Variants in ZNF398 observed in about 807,000 individuals in gnomAD.
ZNF398 encodes zinc finger DNA binding protein ZER6.
ZNF398 carries 18 observed loss-of-function variants against 41.9 expected under a neutral mutation model. The observed-to-expected ratio is 0.43, with a 90% confidence interval of 0.30 to 0.64. The LOEUF (loss-of-function observed/expected upper bound fraction) is 0.64. Among genes scored for constraint, ZNF398 ranks in the 30% least tolerant of loss-of-function variants. The probability of loss-of-function intolerance (pLI) is 0.14; values close to 1 mark genes in which losing one functional copy is unlikely to be tolerated. For synonymous variants in ZNF398, 260 were observed against 308.8 expected (o/e 0.84, Z 1.66); for missense variants, 669 against 822.8 (o/e 0.81, Z 2.29).
rs10253818 is a variant in ZNF398 at position 149,151,212 on chromosome 7, C to T, written c.25-2733C>T. 2.0e-3 allele frequency: 2,445 copies of T among 1,203,858 alleles called. 46 individuals carry two copies. The African/African-American group carries it at 0.034, about 17-fold the overall frequency. The allele number at this position is 1,203,858 out of a possible 1,614,324, so 74.6% of individuals were successfully genotyped here. A position where few individuals can be genotyped will look rare whatever the true frequency, so the allele number is the denominator to read the frequency against. On this transcript the variant is annotated intron_variant, in intron 1 of 5. Transcript: ENST00000475153. ...TACCTGGTGATTTCCTCTAGGCACG[C>T]TTACTAATCTGCTTACAGGAATGGA... is the stretch of plus-strand genomic sequence containing the variant.
chr7:149,166,455 C>T (rs776148213), intron 3 of ZNF398, among the ~76,000 whole-genome samples, 171 bp downstream of exon 3: 50 of 152,218 alleles, frequency 3.3e-4, no homozygotes, highest in Admixed American at 3.1e-3. Context: ...ATCATAATCT[C>T]TCTTTTTACC....
chr7:149,151,849 G>C (rs1202438), intron 1 of ZNF398, among the ~76,000 whole-genome samples: 129,595 of 150,316 alleles, frequency 0.86, 56,002 homozygotes, highest in Middle Eastern at 0.96. Context: ...TACAGTAGCA[G>C]AATCTTGGCT....
rs1032828246 is a variant in ZNF398 at position 149,180,719 on chromosome 7, G to A, written c.*918G>A. 2 of 152,162 alleles carry A rather than the reference G, an allele frequency of 1.3e-5. No individual in the cohort carries two copies. Among genetic ancestry groups the A allele is most frequent in the Non-Finnish European group, 2.9e-5 (2 of 68,030 alleles). 9.4% of individuals were successfully genotyped at this position (152,162 alleles called of 1,614,324 possible). ...TTATCTTTTCCAAGCCAGTAAGTTG[G>A]CTTCTCCATTCCTGGTGTCTGATAT... On this transcript the variant is annotated 3_prime_UTR_variant, in exon 6 of 6. Transcript: ENST00000475153.
chr7:149,129,410 T>C (rs13221868), intron 2 of ZNF398, among the ~76,000 whole-genome samples: 11,520 of 152,184 alleles, frequency 0.076, 440 homozygotes, highest in Middle Eastern at 0.092. Flanking sequence ...GACGGAGTCT[T>C]GCTCTGTTGC....
At position 149,154,054 on chromosome 7, in the gene ZNF398, C is replaced by T. The variant is rs574967023; in HGVS notation, c.134C>T (p.Thr45Ile). The T allele has an allele frequency of 6.2e-7, 1 of 1,614,164 alleles. No individual in the cohort carries two copies. Among genetic ancestry groups the T allele is most frequent in the Non-Finnish European group, 8.5e-7 (1 of 1,180,028 alleles). The change falls in exon 2 of 6, where the codon ACA (threonine) becomes ATA (isoleucine). Residue 45 changes from threonine (T) to isoleucine (I), a missense_variant. Physicochemically the swap from Thr to Ile is moderately conservative, Grantham distance 89. Coordinates refer to ENST00000475153, the MANE Select transcript of ZNF398 (RefSeq NM_170686.3). ...HLQTAAISLW[T>I]VVAAVQAIER... is the part of the protein sequence containing the mutation. ...CAGACAGCAGCTATCTCTCTGTGGA[C>T]AGTGGTGGCCGCCGTGCAGGCTATA...
intron 5 of ZNF398, 87 bp downstream of exon 5, chr7:149,176,668 G>A (rs752170283): frequency 3.3e-5 from 26 of 783,654 alleles, no homozygotes; most frequent in Non-Finnish European, 4.1e-5. Context: ...ATTTGTAGAG[G>A]CAAATATGTG....
Position 149,180,077 on chromosome 7 carries a change from C to T in ZNF398, c.*276C>T, listed in dbSNP as rs1262525009. Reference sequence around the variant, plus strand: ...AAAAGCAGAAGTTACAAGAATATTGCGGAGAGGTTGGAAAGCAGGATTTAA... The same window carrying T: ...AAAAGCAGAAGTTACAAGAATATTGTGGAGAGGTTGGAAAGCAGGATTTAA... On this transcript the variant is annotated 3_prime_UTR_variant, in exon 6 of 6. Transcript: ENST00000475153. The T allele has an allele frequency of 1.2e-5, 4 of 323,364 alleles. No individual in the cohort carries two copies. The highest frequency in any genetic ancestry group is 1.7e-5 in the Non-Finnish European group (3 of 175,520). 20.0% of individuals were successfully genotyped at this position (323,364 alleles called of 1,614,324 possible).
At chr7:149,170,725 A>T (rs1407641774) in intron 4 of ZNF398, among the ~76,000 whole-genome samples, 1 of 150,438 alleles carries the variant, frequency 6.6e-6, no homozygotes, top group Non-Finnish European at 1.5e-5. Flanking sequence ...ACAGAGCGAG[A>T]CTCCATCTCA....
In ZNF398 at chr7:149,149,067, G is replaced by A. The variant is rs1027630183; in HGVS notation, c.24+1301G>A. 4.0e-5 allele frequency among the ~76,000 whole-genome samples: 6 copies of A among 151,674 alleles called. No homozygotes were observed. The East Asian group carries it at 1.2e-3, about 29-fold the overall frequency. ...GCCTGTAGTCCCAGCTAGGCCGGGG[G>A]CTGAGGCGGAAGAATCACTTGAGTC... is the stretch of plus-strand genomic sequence containing the variant. On this transcript the variant is annotated intron_variant, in intron 1 of 5. Coordinates refer to ENST00000475153, the MANE Select transcript of ZNF398 (RefSeq NM_170686.3).
intron 1 of ZNF398, among the ~76,000 whole-genome samples, chr7:149,153,311 A>C (rs1016438423): frequency 6.6e-6 from 1 of 152,154 alleles, no homozygotes; most frequent in Non-Finnish European, 1.5e-5. Flanking sequence ...CCCGTCTCTA[A>C]AAAGAAAAAA....
At chr7:149,128,780 T>TAAAATAAAATAAAATAATATATA (rs71192757) in intron 1 of ZNF398, 1 of 143,420 alleles carries the variant, frequency 7.0e-6, no homozygotes, top group Non-Finnish European at 1.5e-5. Context: ...TAAAATAAAA[T>TAAAATAAAATAAAATAATATATA]TATATATATA....
intron 1 of ZNF398, among the ~76,000 whole-genome samples, chr7:149,126,863 C>T (rs1343657132): frequency 6.6e-6 from 1 of 152,174 alleles, no homozygotes; most frequent in African/African-American, 2.4e-5. Flanking sequence ...AGGGGTCCGC[C>T]CACCACGTCC....
chr7:149,157,530 C>CA lies in ZNF398; in HGVS notation c.420+3203dup, dbSNP rs775907640. On this transcript the variant is annotated intron_variant, in intron 2 of 5. Coordinates refer to ENST00000475153, the MANE Select transcript of ZNF398 (RefSeq NM_170686.3). ...AGCCTGGGCGACAGAGACTCCGTCT[C>CA]AAAAAAAAAAAAAGAAAATCCAGGA... Among the ~76,000 whole-genome samples the CA allele has an allele frequency of 7.3e-3, 570 of 77,846 alleles. 3 individuals carry two copies. The highest frequency in any genetic ancestry group is 0.017 in the African/African-American group (328 of 19,814). The allele number at this position is 77,846 out of a possible 152,430, so 51.1% of individuals were successfully genotyped here.
chr7:149,150,162 G>A (rs1188250503), intron 1 of ZNF398, among the ~76,000 whole-genome samples: 2 of 152,166 alleles, frequency 1.3e-5, no homozygotes, highest in Non-Finnish European at 2.9e-5. Flanking sequence ...TTGAAGCAAG[G>A]AGTATGAAGA....
chr7:149,139,782 G>A (rs544036368), intron 2 of ZNF398, among the ~76,000 whole-genome samples: 1 of 151,056 alleles, frequency 6.6e-6, no homozygotes, highest in South Asian at 2.1e-4. Context: ...GAGATGGAGG[G>A]ATCACGAGGT....
intron 2 of ZNF398, among the ~76,000 whole-genome samples, chr7:149,139,550 G>A (rs376548430): frequency 7.1e-4 from 107 of 151,648 alleles, no homozygotes; most frequent in Non-Finnish European, 1.4e-3. Context: ...GTGAAACTCC[G>A]TCTCCACTAA....
At chr7:149,145,764 A>G (rs1240270769), upstream of ZNF398, among the ~76,000 whole-genome samples, 3 of 152,088 alleles carry the variant, frequency 2.0e-5, no homozygotes, top group Admixed American at 2.0e-4. Flanking sequence ...GATGGATGTG[A>G]GGCTTCTTCC....
intron 2 of ZNF398, among the ~76,000 whole-genome samples, chr7:149,160,112 T>C (rs1038400686): frequency 1.3e-5 from 2 of 152,130 alleles, no homozygotes; most frequent in African/African-American, 4.8e-5. Context: ...CTGAAGCATT[T>C]ATCATTTCTT....
upstream of ZNF398, among the ~76,000 whole-genome samples, chr7:149,146,507 C>T (rs762166978): frequency 6.6e-6 from 1 of 152,062 alleles, no homozygotes; most frequent in Non-Finnish European, 1.5e-5. Context: ...CTTGTTTGTG[C>T]CACTTGCACT....
Sources: allele counts gnomAD v4.1 joint callset (sites outside exome capture counted in the v4.1 genomes callset), GRCh38; gene constraint gnomAD v4.1.1; transcripts MANE v1.5; gene names NCBI Gene and HGNC (gene_info 2026-07-23, HGNC 2026-07-21).